Variants in ORMDL1 observed in about 807,000 individuals in gnomAD.
ORMDL1 encodes the protein ORM1-like protein 1.
ORMDL1 carries 10 observed loss-of-function variants against 13.0 expected under a neutral mutation model. The observed-to-expected ratio is 0.77, with a 90% CI of 0.47 to 1.30. The LOEUF is 1.30. Among genes scored for constraint, ORMDL1 ranks in the 50% most tolerant of loss-of-function variants. The pLI is 0.00. For synonymous variants in ORMDL1, 61 were observed against 63.9 expected, an observed-to-expected ratio of 0.95 and a Z score of 0.22; for missense variants, 171 against 186.7, an observed-to-expected ratio of 0.92 and a Z score of 0.49.
At position 189,782,493 on chromosome 2, in the gene ORMDL1, T is replaced by TATGA; in HGVS notation, c.99_102dup (p.Ile35SerfsTer24). 1 of 1,614,126 alleles carries TATGA rather than the reference T, an allele frequency of 6.2e-7. No individual in the cohort carries two copies. Among genetic ancestry groups the TATGA allele is most frequent in the African/African-American group, 1.3e-5 (1 of 75,040 alleles). ...AAGAAGGGAATGCTGAGTAAGACAA[T>TATGA]ATGAAGCAAGCCAACTCCCAATGCA... On this transcript the variant is annotated frameshift_variant, in exon 3 of 5. Transcript: ENST00000392349. LOFTEE classifies it high-confidence loss of function.
At chr2:189,779,346 C>A (rs1392281644) in intron 3 of ORMDL1, among the ~76,000 whole-genome samples, 1 of 152,118 alleles carries the variant, frequency 6.6e-6, no homozygotes, top group African/African-American at 2.4e-5. Context: ...GGTGTGGTGG[C>A]ATGTGCCTGC....
At position 189,771,244 on chromosome 2, in the gene ORMDL1, C is replaced by T. The variant is rs2047572025; in HGVS notation, c.*523G>A. 1 of 152,184 alleles carries T rather than the reference C, an allele frequency of 6.6e-6. No individual in the cohort carries two copies. 9.4% of individuals were successfully genotyped at this position (152,184 alleles called of 1,614,324 possible). A position where few individuals can be genotyped will look rare whatever the true frequency, so the allele number is the denominator to read the frequency against. On this transcript the variant is annotated 3_prime_UTR_variant, in exon 5 of 5. Coordinates refer to ENST00000392349, the MANE Select transcript of ORMDL1 (RefSeq NM_016467.5). The stretch of plus-strand genomic sequence containing the variant: ...GCCAGCAAAACCAAAAAAGTACCCT[C>T]ATAAGTGGGAACTGGCTTGTATAAA...
intron 3 of ORMDL1, chr2:189,778,542 G>C (rs2047751293): frequency 2.3e-6 from 1 of 425,694 alleles, no homozygotes; most frequent in Non-Finnish European, 4.7e-6. Flanking sequence ...TAGATTCCTG[G>C]AGGGACAGTT....
At position 189,771,775 on chromosome 2, in the gene ORMDL1, T is replaced by G. The variant is rs1411242226; in HGVS notation, c.454A>C (p.Lys152Gln). Residue 152 changes from lysine to glutamine, a missense_variant, in exon 5 of 5, where the codon AAG (lysine) becomes CAG (glutamine). Physicochemically the swap from Lys to Gln is moderately conservative, Grantham distance 53 (BLOSUM62 1). Transcript: ENST00000392349. ...LHGVRIFGIN[K>Q]Y ...TTCAGTTTCAAAACATTTCAATACT[T>G]ATTAATTCCAAAGATCCGAACACCA... is the stretch of plus-strand genomic sequence containing the variant. The G allele has an allele frequency of 6.3e-7, 1 of 1,591,658 alleles. No individual in the cohort carries two copies. The highest frequency in any genetic ancestry group is 2.2e-5 in the East Asian group (1 of 44,482).
chr2:189,775,866 G>A (rs1445572420), intron 3 of ORMDL1, 150 bp from the exon 4 acceptor site: 4 of 660,808 alleles, frequency 6.1e-6, no homozygotes, highest in Middle Eastern at 4.4e-4. Context: ...AAAGGCTGTA[G>A]CCAGTTTCTT....
At chr2:189,777,248 T>C (rs557262416) in intron 3 of ORMDL1, among the ~76,000 whole-genome samples, 4 of 152,290 alleles carry the variant, frequency 2.6e-5, no homozygotes, top group East Asian at 1.9e-4. Context: ...ACATTAGACA[T>C]TGGACACTTC....
intron 2 of ORMDL1, 121 bp downstream of exon 2, chr2:189,782,893 G>T: frequency 3.8e-6 from 1 of 262,248 alleles, no homozygotes; most frequent in Admixed American, 5.0e-5. Flanking sequence ...TTACTGAATA[G>T]GAAAATTCAA....
chr2:189,770,181 AT>A (rs1363348657), downstream of ORMDL1: 1 of 152,204 alleles, frequency 6.6e-6, no homozygotes. Flanking sequence ...TGTTAAAAAA[AT>A]GTAAGCCTTT....
downstream of ORMDL1, among the ~76,000 whole-genome samples, chr2:189,767,247 T>C (rs569275977): frequency 2.6e-5 from 4 of 152,364 alleles, no homozygotes; most frequent in South Asian, 8.3e-4. Flanking sequence ...GTCTCTGTTA[T>C]TCCCACATAC....
chr2:189,776,591 C>T (rs2047702385), intron 3 of ORMDL1, among the ~76,000 whole-genome samples: 1 of 152,020 alleles, frequency 6.6e-6, no homozygotes. Context: ...TGTCATTTTT[C>T]CTACCTCTAC....
chr2:189,770,156 T>G (rs2047547477), downstream of ORMDL1, among the ~76,000 whole-genome samples: 1 of 152,174 alleles, frequency 6.6e-6, no homozygotes, highest in South Asian at 2.1e-4. Flanking sequence ...GAGGGAGACT[T>G]CTATCTCTGA....
chr2:189,780,613 C>A (rs2047801787), intron 3 of ORMDL1, among the ~76,000 whole-genome samples: 1 of 151,852 alleles, frequency 6.6e-6, no homozygotes, highest in East Asian at 1.9e-4. Context: ...AAGAAAAGAA[C>A]CTTGGGAATA....
chr2:189,775,759 C>T (rs1346053864), intron 3 of ORMDL1, 43 bp from the exon 4 acceptor site: 2 of 1,569,924 alleles, frequency 1.3e-6, no homozygotes, highest in Admixed American at 1.8e-5. Flanking sequence ...ATATTAAATA[C>T]AAAATTAGTC....
the ORMDL1 span, among the ~76,000 whole-genome samples, chr2:189,764,669 G>A: frequency 6.6e-6 from 1 of 152,100 alleles, no homozygotes; most frequent in African/African-American, 2.4e-5. Flanking sequence ...CCACTCATGG[G>A]CATTCTCAAA....
At chr2:189,773,282 T>C (rs1574962978) in intron 4 of ORMDL1, among the ~76,000 whole-genome samples, 1 of 152,312 alleles carries the variant, frequency 6.6e-6, no homozygotes, top group East Asian at 1.9e-4. Context: ...AAAACCCAGG[T>C]GGGACTCAGT....
rs2047585230 is a variant in ORMDL1 at position 189,771,847 on chromosome 2, T to C, written c.382A>G (p.Thr128Ala). ...KYDPTHFILN[T>A]ASLLSVLIPK... ...ATTAGTACACTCAGGAGAGAAGCTG[T>C]GTTTAGGATGAAGTGAGTTGGATCA... Residue 128 changes from threonine to alanine, a missense_variant, in exon 5 of 5, where the codon ACA (threonine) becomes GCA (alanine). Transcript: ENST00000392349. 6.2e-7 allele frequency: 1 copy of C among 1,610,252 alleles called. No individual in the cohort carries two copies. The highest frequency in any genetic ancestry group is 2.2e-5 in the East Asian group (1 of 44,766).
downstream of ORMDL1, among the ~76,000 whole-genome samples, chr2:189,768,563 T>A (rs2047519753): frequency 6.6e-6 from 1 of 152,238 alleles, no homozygotes; most frequent in Non-Finnish European, 1.5e-5. Context: ...CTTAAGAGTT[T>A]GGTTTAATAA....
chr2:189,769,376 A>C (rs1225108), downstream of ORMDL1, among the ~76,000 whole-genome samples: 148,662 of 151,916 alleles, frequency 0.98, 72,799 homozygotes, highest in East Asian at 1. Context: ...GACAAAAAAA[A>C]CCCGGCTCCA....
downstream of ORMDL1, among the ~76,000 whole-genome samples, chr2:189,769,449 T>G (rs1170293846): frequency 6.6e-6 from 1 of 152,110 alleles, no homozygotes; most frequent in African/African-American, 2.4e-5. Flanking sequence ...AGGGCTTCTC[T>G]AACTTAGCCT....
Sources: allele counts gnomAD v4.1 joint callset (sites outside exome capture counted in the v4.1 genomes callset), GRCh38; gene constraint gnomAD v4.1.1; transcripts MANE v1.5; gene names NCBI Gene and HGNC (gene_info 2026-07-23, HGNC 2026-07-21).